MYO7B: variants seen among roughly 807,000 people sequenced by gnomAD.
MYO7B encodes the protein myosin VIIB, also known as unconventional myosin-VIIb.
A neutral mutation model predicts 259.7 loss-of-function variants in MYO7B; 212 were observed. The ratio of observed to expected loss-of-function variants is 0.82; its 90% CI spans 0.73 to 0.91. The LOEUF (loss-of-function observed/expected upper bound fraction) is 0.91, where lower values mean the gene tolerates loss of function less well. Among genes scored for constraint, MYO7B ranks in the 40% least tolerant of loss-of-function variants. The pLI is 0.00. For missense variants in MYO7B, 2,732 were observed against 2,813.5 expected, an observed-to-expected ratio of 0.97 and a Z score of 0.66; for synonymous variants, 1,197 against 1,166.4, an observed-to-expected ratio of 1.03 and a Z score of -0.54.
chr2:127,593,722 T>A (rs756441109), intron 18 of MYO7B, 78 bp downstream of exon 18: 4 of 1,298,768 alleles, frequency 3.1e-6, no homozygotes, highest in Non-Finnish European at 3.3e-6. Context: ...AGGCCCGGGG[T>A]CCATGGTCCA....
Position 127,577,131 on chromosome 2 carries a change from C to T in MYO7B, c.849+423C>T, listed in dbSNP as rs776177761. Among the ~76,000 whole-genome samples the T allele has an allele frequency of 2.0e-5, 3 of 152,170 alleles. No individual in the cohort carries two copies. The highest frequency in any genetic ancestry group is 2.1e-4 in the South Asian group (1 of 4,838). Reference sequence around the variant, plus strand: ...CCCTTCCTGTGCTCCCAGCTGCACCCGCCACCTAGGACAGGGCGGCACCAC... The same window carrying T: ...CCCTTCCTGTGCTCCCAGCTGCACCTGCCACCTAGGACAGGGCGGCACCAC... On this transcript the variant is annotated intron_variant, in intron 8 of 47. Transcript: ENST00000409816. The surrounding 1 kb of genome is among the most constrained non-coding windows in gnomAD (Gnocchi z 5.2).
Position 127,597,033 on chromosome 2 carries a change from G to A in MYO7B, c.2339+477G>A, listed in dbSNP as rs1679797744. ...TTCCTGAGCCACCATAGCAAGGGCTGGAAACCCAGGCATGAGAAAGTAGAA... is the reference window on the plus strand; with the variant it reads ...TTCCTGAGCCACCATAGCAAGGGCTAGAAACCCAGGCATGAGAAAGTAGAA... On this transcript the variant is annotated intron_variant, in intron 19 of 47. Transcript: ENST00000409816. The surrounding 1 kb of genome is among the most constrained non-coding windows in gnomAD (Gnocchi z 4.8). 6.6e-6 allele frequency among the ~76,000 whole-genome samples: 1 copy of A among 152,238 alleles called. No individual in the cohort carries two copies. The highest frequency in any genetic ancestry group is 2.4e-5 in the African/African-American group (1 of 41,460).
chr2:127,593,015 C>A, intron 17 of MYO7B, 69 bp downstream of exon 17: 3 of 1,525,430 alleles, frequency 2.0e-6, no homozygotes, highest in Non-Finnish European at 2.7e-6. Context: ...GCACCTCCAG[C>A]CCCCAGTACC....
At chr2:127,600,682 C>T (rs568432389) in intron 19 of MYO7B, among the ~76,000 whole-genome samples, 1 of 152,296 alleles carries the variant, frequency 6.6e-6, no homozygotes, top group South Asian at 2.1e-4. Context: ...TGCACTTCAG[C>T]CTGGGCAACA....
At position 127,637,446 on chromosome 2, in the gene MYO7B, G is replaced by C; in HGVS notation, c.*29G>C. On this transcript the variant is annotated 3_prime_UTR_variant, in exon 48 of 48. Transcript: ENST00000409816. ...CGGATGCTGGCGTGTCTGCTCAGGC[G>C]CCCTTCCCGACCTCTAGCCTGGCGG... The C allele has an allele frequency of 6.9e-7, 1 of 1,459,404 alleles. No individual in the cohort carries two copies. 90.4% of individuals were successfully genotyped at this position (1,459,404 alleles called of 1,614,324 possible).
intron 1 of MYO7B, among the ~76,000 whole-genome samples, chr2:127,556,042 G>A (rs1260387752): frequency 6.6e-6 from 1 of 152,106 alleles, no homozygotes; most frequent in African/African-American, 2.4e-5. Flanking sequence ...TCATTTCTTA[G>A]GTCTAGTAGT....
At chr2:127,566,500 C>T (rs1156752460) in intron 4 of MYO7B, 143 bp from the exon 5 acceptor site, 2 of 740,390 alleles carry the variant, frequency 2.7e-6, no homozygotes, top group African/African-American at 1.8e-5. Flanking sequence ...ATCTCCCTGG[C>T]CCAGAATCAG....
chr2:127,612,149 T>G, intron 24 of MYO7B, 101 bp from the exon 25 acceptor site: 1 of 477,958 alleles, frequency 2.1e-6, no homozygotes, highest in East Asian at 5.9e-5. Flanking sequence ...AGGAAATGGC[T>G]GGGTGAAAGG....
Position 127,636,546 on chromosome 2 carries a change from A to T in MYO7B, c.6125A>T (p.Gln2042Leu). 6.2e-7 allele frequency: 1 copy of T among 1,610,130 alleles called. No homozygotes were observed. The highest frequency in any genetic ancestry group is 8.5e-7 in the Non-Finnish European group (1 of 1,178,302). The change falls in exon 46 of 48, where the codon CAA becomes CTA. Residue 2042 changes from glutamine (Q) to leucine (L), a missense_variant and splice_region_variant. Physicochemically the swap from Gln to Leu is moderately radical, Grantham distance 113. Transcript: ENST00000409816. The surrounding 1 kb of genome is among the most constrained non-coding windows in gnomAD (Gnocchi z 4.5). ...GACCGCCGTGTCCCTCCCTCCCAGC[A>T]AACCTCGGAGCCTTCCTACCCGGAC... ...TFGSAFFEVK[Q>L]TSEPSYPDVI...
At position 127,585,412 on chromosome 2, in the gene MYO7B, T is replaced by C. The variant is rs1223244362; in HGVS notation, c.1690+499T>C. Among the ~76,000 whole-genome samples, 1 of 152,244 alleles carries C rather than the reference T, an allele frequency of 6.6e-6. No homozygotes were observed. Among genetic ancestry groups the C allele is most frequent in the Non-Finnish European group, 1.5e-5 (1 of 68,044 alleles). On this transcript the variant is annotated intron_variant, in intron 14 of 47. Coordinates refer to ENST00000409816, the MANE Select transcript of MYO7B (RefSeq NM_001393586.1). The surrounding 1 kb of genome is among the most constrained non-coding windows in gnomAD (Gnocchi z 4.3). ...AGGTTCATCTATGTTGTAGTACGTG[T>C]CAGTGCTCCATGTCTTTTTATTGCA... is the stretch of plus-strand genomic sequence containing the variant.
chr2:127,607,461 G>A lies in MYO7B; in HGVS notation c.2643+37G>A. Reference sequence around the variant, plus strand: ...CCTGGCCTCTTGGGCAGGTGGGGCTGGCTGGGGCCCCAGTGGGTGAGGGCA... The same window carrying A: ...CCTGGCCTCTTGGGCAGGTGGGGCTAGCTGGGGCCCCAGTGGGTGAGGGCA... On this transcript the variant is annotated intron_variant, in intron 21 of 47. Coordinates refer to ENST00000409816, the MANE Select transcript of MYO7B (RefSeq NM_001393586.1). The surrounding 1 kb of genome is among the most constrained non-coding windows in gnomAD (Gnocchi z 4.4). 6.5e-7 allele frequency: 1 copy of A among 1,539,924 alleles called. No individual in the cohort carries two copies. Among genetic ancestry groups the A allele is most frequent in the Non-Finnish European group, 8.8e-7 (1 of 1,139,196 alleles).
intron 42 of MYO7B, 167 bp downstream of exon 42, chr2:127,634,850 G>T (rs1440980965): frequency 5.8e-6 from 4 of 693,332 alleles, no homozygotes; most frequent in African/African-American, 3.6e-5. Context: ...GCCAGCTCAG[G>T]CAGAAACAGG....
intron 43 of MYO7B, chr2:127,635,513 G>T: frequency 1.5e-6 from 1 of 653,956 alleles, no homozygotes. Flanking sequence ...CAACCACATG[G>T]GTGGAGCAGG....
At chr2:127,604,131 TC>T (rs1419479678) in intron 19 of MYO7B, among the ~76,000 whole-genome samples, 1 of 151,942 alleles carries the variant, frequency 6.6e-6, no homozygotes, top group Non-Finnish European at 1.5e-5. Context: ...AGCCTCCATC[TC>T]AAAAAAAAGA....
intron 7 of MYO7B, among the ~76,000 whole-genome samples, chr2:127,575,685 G>C (rs1678839879): frequency 6.6e-6 from 1 of 152,132 alleles, no homozygotes; most frequent in African/African-American, 2.4e-5. Flanking sequence ...TAAGAAAGGG[G>C]AAGGCAGGAT....
chr2:127,578,342 G>A (rs983611731), intron 9 of MYO7B, 56 bp downstream of exon 9: 42 of 1,602,758 alleles, frequency 2.6e-5, no homozygotes, highest in Non-Finnish European at 6.8e-6. Flanking sequence ...AAGGGGACAG[G>A]AGCAGGAAGG....
In MYO7B at chr2:127,614,620, A is replaced by G; in HGVS notation, c.3398+2017A>G. On this transcript the variant is annotated intron_variant, in intron 26 of 47. Transcript: ENST00000409816. The surrounding 1 kb of genome is among the most constrained non-coding windows in gnomAD (Gnocchi z 4.6). Reference sequence around the variant, plus strand: ...TGGGAGGTGGCAAATGGGCTTCTGGAGCTCAGCAGGCATCAGATGGGGAGT... The same window carrying G: ...TGGGAGGTGGCAAATGGGCTTCTGGGGCTCAGCAGGCATCAGATGGGGAGT... Among the ~76,000 whole-genome samples, 1 of 152,108 alleles carries G rather than the reference A, an allele frequency of 6.6e-6. No individual in the cohort carries two copies. The highest frequency in any genetic ancestry group is 1.9e-4 in the East Asian group (1 of 5,180).
intron 3 of MYO7B, among the ~76,000 whole-genome samples, chr2:127,564,841 G>T (rs1678262711): frequency 1.3e-5 from 2 of 152,222 alleles, no homozygotes; most frequent in Admixed American, 6.5e-5. Flanking sequence ...TCTTCTATTT[G>T]TGTGACACTG....
Position 127,553,145 on chromosome 2 carries a change from T to C in MYO7B, c.-23-6555T>C, listed in dbSNP as rs115021576. 4.8e-3 allele frequency among the ~76,000 whole-genome samples: 733 copies of C among 152,374 alleles called. 4 individuals carry two copies. Among genetic ancestry groups the C allele is most frequent in the African/African-American group, 0.017 (693 of 41,582 alleles). On this transcript the variant is annotated intron_variant, in intron 1 of 47. Transcript: ENST00000409816. ...CATCTGCTCTTTCACTGGACAAGTATTGACTGATGGCTATGGCCTTATAAG... is the reference window on the plus strand; with the variant it reads ...CATCTGCTCTTTCACTGGACAAGTACTGACTGATGGCTATGGCCTTATAAG...
Sources: allele counts gnomAD v4.1 joint callset (sites outside exome capture counted in the v4.1 genomes callset), GRCh38; gene constraint gnomAD v4.1.1; non-coding constraint Gnocchi (gnomAD v3.1); transcripts MANE v1.5; gene names NCBI Gene and HGNC (gene_info 2026-07-23, HGNC 2026-07-21).